The following SSBP2 variants were observed in gnomAD, a reference collection of about 807,000 sequenced individuals.
SSBP2 encodes single stranded DNA binding protein 2.
Under a neutral mutation model 61.8 loss-of-function variants are expected in SSBP2, and 17 were observed. The observed-to-expected ratio is 0.28, with a 90% CI of 0.19 to 0.41. SSBP2 has a LOEUF of 0.41. Among genes scored for constraint, SSBP2 ranks in the 10% least tolerant of loss-of-function variants. The probability of loss-of-function intolerance (pLI) is 1.00; values close to 1 mark genes in which losing one functional copy is unlikely to be tolerated. For missense variants in SSBP2, 310 were observed against 458.7 expected (o/e 0.68, Z 2.96); for synonymous variants, 139 against 141.3 (o/e 0.98, Z 0.12).
At chr5:81,442,088 T>C (rs1763076603) in intron 13 of SSBP2, among the ~76,000 whole-genome samples, 1 of 152,166 alleles carries the variant, frequency 6.6e-6, no homozygotes, top group South Asian at 2.1e-4. Flanking sequence ...GTTATAAATA[T>C]TTTTGTAAAC....
intron 5 of SSBP2, among the ~76,000 whole-genome samples, chr5:81,493,265 GATAGATAGATA>G (rs1767008791): frequency 6.9e-6 from 1 of 145,360 alleles, no homozygotes; most frequent in African/African-American, 2.8e-5. Flanking sequence ...TAGATAGATA[GATAGATAGATA>G]GATAGATAGA....
chr5:81,562,204 C>A (rs1773101878), intron 4 of SSBP2, among the ~76,000 whole-genome samples: 1 of 152,250 alleles, frequency 6.6e-6, no homozygotes. Context: ...CCGCCCCCGG[C>A]CAAGACCTTT....
At chr5:81,440,275 C>T (rs1157878825) in intron 14 of SSBP2, among the ~76,000 whole-genome samples, 7 of 152,098 alleles carry the variant, frequency 4.6e-5, no homozygotes, top group African/African-American at 1.4e-4. Flanking sequence ...ATGACACGTG[C>T]CCACAGCAGC....
intron 4 of SSBP2, among the ~76,000 whole-genome samples, chr5:81,544,329 A>T (rs1474094930): frequency 6.6e-6 from 1 of 152,098 alleles, no homozygotes; most frequent in Non-Finnish European, 1.5e-5. Flanking sequence ...TTACAGACCT[A>T]AGCCACTGCG....
intron 16 of SSBP2, 78 bp downstream of exon 16, chr5:81,428,507 A>G: frequency 9.5e-7 from 1 of 1,052,278 alleles, no homozygotes; most frequent in Non-Finnish European, 1.5e-6. Flanking sequence ...CAGCAGTAAA[A>G]GTGGCTTTAT....
chr5:81,675,945 C>G (rs896874835), intron 1 of SSBP2, among the ~76,000 whole-genome samples: 4 of 152,276 alleles, frequency 2.6e-5, no homozygotes, highest in African/African-American at 9.6e-5. Flanking sequence ...TTTCCTCAGA[C>G]CCACTACGTC....
At position 81,712,531 on chromosome 5, in the gene SSBP2, G is replaced by A. The variant is rs1754859881; in HGVS notation, c.62+38450C>T. 4.3e-5 allele frequency among the ~76,000 whole-genome samples: 2 copies of A among 46,828 alleles called. 1 individual carries two copies. Among genetic ancestry groups the A allele is most frequent in the Non-Finnish European group, 8.1e-5 (2 of 24,554 alleles). The allele number at this position is 46,828 out of a possible 152,430, so 30.7% of individuals were successfully genotyped here. A position where few individuals can be genotyped will look rare whatever the true frequency, so the allele number is the denominator to read the frequency against. ...CAGGAGAATGGCGTGAACCCGGGAA[G>A]CGGAGCTTGCAGTGAGCCGAGATTG... On this transcript the variant is annotated intron_variant, in intron 1 of 16. Transcript: ENST00000320672.
chr5:81,444,315 T>G (rs1285987975), intron 12 of SSBP2, among the ~76,000 whole-genome samples: 1 of 152,194 alleles, frequency 6.6e-6, no homozygotes, highest in Non-Finnish European at 1.5e-5. Flanking sequence ...GATTTTGTTC[T>G]TTCTTCCTCC....
In SSBP2 at chr5:81,418,240, T is replaced by TA. The variant is rs1348548467; in HGVS notation, c.*2263dup. On this transcript the variant is annotated 3_prime_UTR_variant, in exon 17 of 17. Coordinates refer to ENST00000320672, the MANE Select transcript of SSBP2 (RefSeq NM_012446.5). Reference sequence around the variant, plus strand: ...TCATTCAGGTTACCCTGGCTTGAGGTAAAGACCTTTTCATCTGAATTTGCA... The same window carrying TA: ...TCATTCAGGTTACCCTGGCTTGAGGTAAAAGACCTTTTCATCTGAATTTGCA... 2 of 152,232 alleles carry TA rather than the reference T, an allele frequency of 1.3e-5. No individual in the cohort carries two copies. Among genetic ancestry groups the TA allele is most frequent in the African/African-American group, 4.8e-5 (2 of 41,458 alleles). 9.4% of individuals were successfully genotyped at this position (152,232 alleles called of 1,614,324 possible).
At chr5:81,614,218 G>C (rs1745759264) in intron 4 of SSBP2, among the ~76,000 whole-genome samples, 1 of 152,088 alleles carries the variant, frequency 6.6e-6, no homozygotes, top group African/African-American at 2.4e-5. Context: ...AAATTAGCTG[G>C]GCGTGTTGGC....
chr5:81,670,060 C>A (rs1219646385), intron 1 of SSBP2, among the ~76,000 whole-genome samples: 1 of 152,136 alleles, frequency 6.6e-6, no homozygotes, highest in Non-Finnish European at 1.5e-5. Context: ...GGCAGTGAAA[C>A]TACCTTGTAT....
At chr5:81,638,532 A>T (rs1271869988) in intron 2 of SSBP2, among the ~76,000 whole-genome samples, 1 of 151,436 alleles carries the variant, frequency 6.6e-6, no homozygotes, top group African/African-American at 2.4e-5. Flanking sequence ...GGGAAAAAAA[A>T]AAAAGGAGTA....
intron 2 of SSBP2, among the ~76,000 whole-genome samples, chr5:81,646,497 T>A (rs1749277158): frequency 1.3e-5 from 2 of 152,016 alleles, no homozygotes; most frequent in African/African-American, 4.8e-5. Context: ...TCAGACCAGT[T>A]AAGAAGTCAT....
chr5:81,457,365 G>A (rs748122165), intron 10 of SSBP2, among the ~76,000 whole-genome samples: 5 of 152,074 alleles, frequency 3.3e-5, no homozygotes, highest in Non-Finnish European at 4.4e-5. Flanking sequence ...ACTAATAAAC[G>A]GAGAAGAAAA....
chr5:81,624,291 T>C (rs1746921915), intron 3 of SSBP2, among the ~76,000 whole-genome samples: 1 of 152,208 alleles, frequency 6.6e-6, no homozygotes, highest in South Asian at 2.1e-4. Context: ...TGTTCCTCCT[T>C]CTAAGAATCA....
At chr5:81,737,474 T>G (rs115764872) in intron 1 of SSBP2, among the ~76,000 whole-genome samples, 1,890 of 152,122 alleles carry the variant, frequency 0.012, 40 homozygotes, top group African/African-American at 0.043. Flanking sequence ...AAGTCACAGA[T>G]GGTTTCTTAA....
intron 4 of SSBP2, among the ~76,000 whole-genome samples, chr5:81,549,611 A>G (rs1580994474): frequency 6.6e-6 from 1 of 152,154 alleles, no homozygotes; most frequent in African/African-American, 2.4e-5. Context: ...TCCACCTATA[A>G]TGGTGTGTGG....
At chr5:81,557,705 T>C (rs746047674) in intron 4 of SSBP2, among the ~76,000 whole-genome samples, 63 of 152,322 alleles carry the variant, frequency 4.1e-4, no homozygotes, top group Non-Finnish European at 7.2e-4. Context: ...TGATATTCCA[T>C]ATTTCTACCT....
intron 1 of SSBP2, among the ~76,000 whole-genome samples, chr5:81,744,430 A>G (rs966174554): frequency 6.6e-6 from 1 of 152,116 alleles, no homozygotes; most frequent in Non-Finnish European, 1.5e-5. Context: ...TCTGTCATCA[A>G]TTCCTCACCC....
Sources: allele counts gnomAD v4.1 joint callset (sites outside exome capture counted in the v4.1 genomes callset), GRCh38; gene constraint gnomAD v4.1.1; transcripts MANE v1.5; gene names NCBI Gene and HGNC (gene_info 2026-07-23, HGNC 2026-07-21).